Variants in TMED8 observed in about 807,000 individuals in gnomAD.
The protein encoded by TMED8 is transmembrane p24 trafficking protein family member 8, also known as protein TMED8.
Under a neutral mutation model 32.7 loss-of-function variants are expected in TMED8, and 15 were observed. That is an observed-to-expected ratio of 0.46 (90% CI 0.31 to 0.71). The LOEUF is 0.71. TMED8 is among the 30% of genes least tolerant of loss of function. The pLI is 0.06. For missense variants in TMED8, 390 were observed against 423.9 expected (o/e 0.92, Z 0.70); for synonymous variants, 147 against 161.4 (o/e 0.91, Z 0.68).
At chr14:77,353,439 G>GGT (rs112882253) in intron 1 of TMED8, among the ~76,000 whole-genome samples, 5 of 127,522 alleles carry the variant, frequency 3.9e-5, no homozygotes, top group Non-Finnish European at 6.7e-5. Flanking sequence ...TCTTTTCTTT[G>GGT]TTTTTTTTTT....
At chr14:77,372,906 TTATATATATATATA>T (rs1167584417) in intron 1 of TMED8, among the ~76,000 whole-genome samples, 1,578 of 35,200 alleles carry the variant, frequency 0.045, 42 homozygotes, top group Middle Eastern at 0.077. Context: ...GCCACAGATA[TTATATATATATATA>T]TATATATATA....
rs1453790665 is a variant in TMED8, at chr14:77,339,879, A to G, written c.*1892T>C. 6.6e-6 allele frequency: 1 copy of G among 152,222 alleles called. No homozygotes were observed. Among genetic ancestry groups the G allele is most frequent in the African/African-American group, 2.4e-5 (1 of 41,448 alleles). The allele number at this position is 152,222 out of a possible 1,614,324, so 9.4% of individuals were successfully genotyped here. ...GAGGGGAAGAGCAGGTGCAGGATAT[A>G]TTGCCCTTTGATGTGATGTAGATGC... On this transcript the variant is annotated 3_prime_UTR_variant, in exon 6 of 6. Transcript: ENST00000216468.
intron 1 of TMED8, among the ~76,000 whole-genome samples, chr14:77,371,237 A>G (rs1250035086): frequency 6.6e-6 from 1 of 152,216 alleles, no homozygotes; most frequent in East Asian, 1.9e-4. Context: ...GATATTGACA[A>G]GTTGCCCTCC....
intron 1 of TMED8, among the ~76,000 whole-genome samples, chr14:77,371,148 T>A (rs1369125557): frequency 6.6e-6 from 1 of 152,188 alleles, no homozygotes; most frequent in Non-Finnish European, 1.5e-5. Context: ...CTTGTATCTA[T>A]GTCATTAAAC....
intron 4 of TMED8, 77 bp from the exon 5 acceptor site, chr14:77,343,560 G>A: frequency 6.3e-7 from 1 of 1,580,872 alleles, no homozygotes; most frequent in Non-Finnish European, 8.6e-7. Flanking sequence ...AAGAGAGGCT[G>A]GCACAGTCAG....
Position 77,340,357 on chromosome 14 carries a change from A to G in TMED8, c.*1414T>C, listed in dbSNP as rs540121580. 2 of 152,348 alleles carry G rather than the reference A, an allele frequency of 1.3e-5. No individual in the cohort carries two copies. Among genetic ancestry groups the G allele is most frequent in the South Asian group, 4.1e-4 (2 of 4,826 alleles). The allele number at this position is 152,348 out of a possible 1,614,324, so 9.4% of individuals were successfully genotyped here. A position where few individuals can be genotyped will look rare whatever the true frequency, so the allele number is the denominator to read the frequency against. ...GAAGCCTTCTGAGAAACAGATGGAAACTGTTTCAAAGGCAAAATGAAATGT... is the reference window on the plus strand; with the variant it reads ...GAAGCCTTCTGAGAAACAGATGGAAGCTGTTTCAAAGGCAAAATGAAATGT... On this transcript the variant is annotated 3_prime_UTR_variant, in exon 6 of 6. Transcript: ENST00000216468.
At chr14:77,347,099 T>C (rs961563048) in intron 2 of TMED8, among the ~76,000 whole-genome samples, 27 of 152,210 alleles carry the variant, frequency 1.8e-4, no homozygotes, top group Admixed American at 1.6e-3. Context: ...CAACACCTAT[T>C]AACCACCATC....
chr14:77,350,190 A>C (rs889228048), intron 2 of TMED8, among the ~76,000 whole-genome samples: 1 of 152,100 alleles, frequency 6.6e-6, no homozygotes, highest in Non-Finnish European at 1.5e-5. Flanking sequence ...TGGGGGGTCT[A>C]TTAGATGATC....
At chr14:77,360,590 T>A (rs1207574650) in intron 1 of TMED8, among the ~76,000 whole-genome samples, 7 of 152,186 alleles carry the variant, frequency 4.6e-5, no homozygotes, top group Non-Finnish European at 1.0e-4. Context: ...ACAGCTTCTT[T>A]ATTCATTTGT....
intron 2 of TMED8, among the ~76,000 whole-genome samples, chr14:77,348,640 A>C (rs17105729): frequency 6.6e-6 from 1 of 152,180 alleles, no homozygotes; most frequent in South Asian, 2.1e-4. Flanking sequence ...TGAGGGCATC[A>C]TTTCCTCAAA....
chr14:77,343,392 A>C lies in TMED8; in HGVS notation c.546T>G (p.Arg182=). 6.2e-7 allele frequency: 1 copy of C among 1,614,024 alleles called. No individual in the cohort carries two copies. Among genetic ancestry groups the C allele is most frequent in the South Asian group, 1.1e-5 (1 of 91,076 alleles). ...CCACCTCACCACGCTTCACCACCAG[A>C]CGGCTGTTCTTCTCTTTGCCCAGCT... ...KSKLGKEKNS[R]LVVKRGEVVT... is the part of the protein sequence containing the mutation. The change falls in exon 5 of 6, where the codon CGT becomes CGG. Residue 182 remains arginine, a synonymous_variant. Transcript: ENST00000216468.
rs1892900846 is a variant in TMED8, at chr14:77,341,625, T to C, written c.*146A>G. The C allele has an allele frequency of 1.4e-6, 1 of 740,460 alleles. No individual in the cohort carries two copies. The highest frequency in any genetic ancestry group is 2.2e-6 in the Non-Finnish European group (1 of 446,348). 45.9% of individuals were successfully genotyped at this position (740,460 alleles called of 1,614,324 possible). ...AAGCCAAGAAGGGGAAAAAGCTACG[T>C]GGGCCAACAGTCAGGCATGCCAGAC... On this transcript the variant is annotated 3_prime_UTR_variant, in exon 6 of 6. Coordinates refer to ENST00000216468, the MANE Select transcript of TMED8 (RefSeq NM_213601.3).
chr14:77,351,630 C>G lies in TMED8; in HGVS notation c.197+43G>C, dbSNP rs773949048. On this transcript the variant is annotated intron_variant, in intron 2 of 5. Coordinates refer to ENST00000216468, the MANE Select transcript of TMED8 (RefSeq NM_213601.3). ...TATTTCTTTCACCAGTTCCTCATCT[C>G]AGAAGATAAAACCTGTGAAAGCATT... is the stretch of plus-strand genomic sequence containing the variant. 15 of 1,534,198 alleles carry G rather than the reference C, an allele frequency of 9.8e-6. No homozygotes were observed. In the South Asian group the frequency reaches 1.8e-4, roughly 18 times the overall value.
chr14:77,360,250 C>T (rs1893401505), intron 1 of TMED8, among the ~76,000 whole-genome samples: 2 of 152,066 alleles, frequency 1.3e-5, no homozygotes, highest in Admixed American at 6.6e-5. Flanking sequence ...TATTATTAAC[C>T]ATAGTTCTCA....
chr14:77,349,681 C>T (rs1025494399), intron 2 of TMED8, among the ~76,000 whole-genome samples: 8 of 152,178 alleles, frequency 5.3e-5, no homozygotes, highest in Admixed American at 2.0e-4. Flanking sequence ...TGTGCCCCTT[C>T]CTGGCCTTGT....
intron 1 of TMED8, among the ~76,000 whole-genome samples, chr14:77,355,557 G>A (rs1010362169): frequency 3.3e-5 from 5 of 152,074 alleles, no homozygotes; most frequent in East Asian, 3.9e-4. Flanking sequence ...AATTTTAAAC[G>A]GCTACATATT....
At chr14:77,359,187 G>A (rs1256347561) in intron 1 of TMED8, among the ~76,000 whole-genome samples, 1 of 152,164 alleles carries the variant, frequency 6.6e-6, no homozygotes, top group Non-Finnish European at 1.5e-5. Flanking sequence ...TAGGATTACA[G>A]GCATGAGCCA....
At chr14:77,375,196 TG>T (rs1418528794) in intron 1 of TMED8, among the ~76,000 whole-genome samples, 1 of 152,150 alleles carries the variant, frequency 6.6e-6, no homozygotes, top group Non-Finnish European at 1.5e-5. Context: ...GAGCTTGCTC[TG>T]GGCTACTATA....
chr14:77,366,739 C>T (rs1544708), intron 1 of TMED8, among the ~76,000 whole-genome samples: 132,873 of 152,204 alleles, frequency 0.87, 58,632 homozygotes, highest in East Asian at 1. Context: ...GTAGGCATCA[C>T]CATATTGAAT....
Sources: allele counts gnomAD v4.1 joint callset (sites outside exome capture counted in the v4.1 genomes callset), GRCh38; gene constraint gnomAD v4.1.1; transcripts MANE v1.5; gene names NCBI Gene and HGNC (gene_info 2026-07-23, HGNC 2026-07-21).